SLC24A3: variants seen among roughly 807,000 people sequenced by gnomAD.
SLC24A3 encodes sodium/potassium/calcium exchanger 3.
SLC24A3 carries 28 observed loss-of-function variants against 75.8 expected under a neutral mutation model. The observed-to-expected ratio is 0.37, with a 90% CI of 0.27 to 0.51. SLC24A3 has a LOEUF of 0.51. Ranked by LOEUF, SLC24A3 falls within the 20% of genes least tolerant of loss-of-function variation. SLC24A3 has a pLI of 0.94. For missense variants in SLC24A3, 663 were observed against 847.8 expected (o/e 0.78, Z 2.71); for synonymous variants, 372 against 334.1 (o/e 1.11, Z -1.24).
intron 3 of SLC24A3, among the ~76,000 whole-genome samples, chr20:19,545,529 C>T (rs931726009): frequency 2.0e-5 from 3 of 152,188 alleles, no homozygotes; most frequent in African/African-American, 7.2e-5. Context: ...GTCAGCCACA[C>T]CCTCTGGCCC....
intron 6 of SLC24A3, among the ~76,000 whole-genome samples, chr20:19,648,987 G>A (rs886544643): frequency 6.6e-6 from 1 of 152,218 alleles, no homozygotes; most frequent in African/African-American, 2.4e-5. Flanking sequence ...TTATTGACCA[G>A]TGAGGTCAAG....
At position 19,536,859 on chromosome 20, in the gene SLC24A3, T is replaced by C. The variant is rs866802224; in HGVS notation, c.348+21295T>C. Among the ~76,000 whole-genome samples the C allele has an allele frequency of 7.1e-3, 1,082 of 152,256 alleles. 6 individuals carry two copies. The highest frequency in any genetic ancestry group is 0.027 in the Middle Eastern group (8 of 294). On this transcript the variant is annotated intron_variant, in intron 3 of 16. Transcript: ENST00000328041. ...TGAAACTGGATCCCTTCCTTACACC[T>C]TATACAAAAATTAATTCAAGATGGA...
At chr20:19,440,645 G>GTT (rs11469517) in intron 2 of SLC24A3, among the ~76,000 whole-genome samples, 24 of 131,368 alleles carry the variant, frequency 1.8e-4, no homozygotes, top group Admixed American at 3.0e-4. Flanking sequence ...AGGCCTCACT[G>GTT]TTTTTTTTTT....
chr20:19,290,928 G>T (rs766862468), intron 2 of SLC24A3, among the ~76,000 whole-genome samples: 1 of 152,206 alleles, frequency 6.6e-6, no homozygotes. Flanking sequence ...TGGAGACCAC[G>T]GGTTTTGTTT....
chr20:19,661,527 C>CTACG (rs907470940), intron 7 of SLC24A3, among the ~76,000 whole-genome samples: 7 of 152,244 alleles, frequency 4.6e-5, no homozygotes, highest in African/African-American at 1.7e-4. Flanking sequence ...TGGGAAAAGT[C>CTACG]TACGGGGGGC....
chr20:19,379,884 G>A (rs1338340689), intron 2 of SLC24A3, among the ~76,000 whole-genome samples: 1 of 152,122 alleles, frequency 6.6e-6, no homozygotes, highest in Non-Finnish European at 1.5e-5. Flanking sequence ...TTATAGAATT[G>A]CTAAAATAAA....
At chr20:19,637,406 G>A (rs1473019500) in intron 6 of SLC24A3, among the ~76,000 whole-genome samples, 1 of 152,236 alleles carries the variant, frequency 6.6e-6, no homozygotes, top group Non-Finnish European at 1.5e-5. Context: ...GACCAAAATA[G>A]AGACTTGAGA....
At chr20:19,596,866 G>C (rs2031458918) in intron 6 of SLC24A3, among the ~76,000 whole-genome samples, 3 of 152,188 alleles carry the variant, frequency 2.0e-5, no homozygotes, top group Admixed American at 6.5e-5. Flanking sequence ...CTACGGTGTG[G>C]ATTGACCCAT....
intron 2 of SLC24A3, among the ~76,000 whole-genome samples, chr20:19,334,231 C>T (rs956820783): frequency 6.6e-6 from 1 of 152,166 alleles, no homozygotes; most frequent in African/African-American, 2.4e-5. Flanking sequence ...CTTTCAGAGC[C>T]TGGGATGTAT....
intron 6 of SLC24A3, among the ~76,000 whole-genome samples, chr20:19,641,537 C>T (rs1281450353): frequency 6.6e-6 from 1 of 152,216 alleles, no homozygotes; most frequent in Non-Finnish European, 1.5e-5. Flanking sequence ...TTCTCGAAAT[C>T]TCATCCACAC....
At chr20:19,424,490 G>A (rs571122585) in intron 2 of SLC24A3, among the ~76,000 whole-genome samples, 5 of 152,112 alleles carry the variant, frequency 3.3e-5, no homozygotes, top group Admixed American at 1.3e-4. Flanking sequence ...AGGAGTTCAA[G>A]ACCAGCCTGG....
chr20:19,240,142 G>A (rs951836332), intron 1 of SLC24A3, among the ~76,000 whole-genome samples: 3 of 151,800 alleles, frequency 2.0e-5, no homozygotes, highest in Admixed American at 6.6e-5. Flanking sequence ...TCATTTTTTC[G>A]TTTTCCCACT....
In SLC24A3 at chr20:19,296,268, C is replaced by CTTTTTTT. The variant is rs35229035; in HGVS notation, c.271+15193_271+15199dup. 6.4e-4 allele frequency among the ~76,000 whole-genome samples: 46 copies of CTTTTTTT among 72,298 alleles called. 2 individuals are homozygous for CTTTTTTT. Among genetic ancestry groups the CTTTTTTT allele is most frequent in the Non-Finnish European group, 9.2e-4 (36 of 39,044 alleles). 47.4% of individuals were successfully genotyped at this position (72,298 alleles called of 152,430 possible). On this transcript the variant is annotated intron_variant, in intron 2 of 16. Coordinates refer to ENST00000328041, the MANE Select transcript of SLC24A3 (RefSeq NM_020689.4). ...TTTCTTTATTAGTCTAGCTAGTGGT[C>CTTTTTTT]TTTTTTTTTTTTTTTTTTCAAAAAA...
At chr20:19,680,509 G>A (rs2032601376) in intron 9 of SLC24A3, among the ~76,000 whole-genome samples, 1 of 152,114 alleles carries the variant, frequency 6.6e-6, no homozygotes, top group Admixed American at 6.5e-5. Context: ...CTGTAGTGTT[G>A]GCAGCCATCA....
chr20:19,516,743 A>C (rs116897784), intron 3 of SLC24A3, among the ~76,000 whole-genome samples: 1 of 152,320 alleles, frequency 6.6e-6, no homozygotes, highest in East Asian at 1.9e-4. Context: ...AGGGTGACTT[A>C]GCCTTGAAGT....
chr20:19,409,063 C>T (rs369951360), intron 2 of SLC24A3, among the ~76,000 whole-genome samples: 35 of 152,224 alleles, frequency 2.3e-4, no homozygotes, highest in African/African-American at 7.9e-4. Context: ...GGGAGAGTTC[C>T]GTGAAGAGCT....
intron 3 of SLC24A3, among the ~76,000 whole-genome samples, chr20:19,573,617 G>T (rs192867066): frequency 1.2e-4 from 18 of 152,334 alleles, no homozygotes; most frequent in African/African-American, 4.3e-4. Flanking sequence ...ATGGTGCATG[G>T]TGTCCTCAGG....
At chr20:19,338,325 C>A (rs1415541672) in intron 2 of SLC24A3, among the ~76,000 whole-genome samples, 6 of 152,112 alleles carry the variant, frequency 3.9e-5, no homozygotes, top group Admixed American at 3.3e-4. Flanking sequence ...GGTCAGCAAA[C>A]CTTGGGGCCT....
At chr20:19,595,102 A>G (rs937486939) in intron 6 of SLC24A3, among the ~76,000 whole-genome samples, 7 of 152,190 alleles carry the variant, frequency 4.6e-5, no homozygotes, top group Non-Finnish European at 7.4e-5. Flanking sequence ...TAGGTTCACA[A>G]GCTAGAGTAA....
Sources: allele counts gnomAD v4.1 joint callset (sites outside exome capture counted in the v4.1 genomes callset), GRCh38; gene constraint gnomAD v4.1.1; transcripts MANE v1.5; gene names NCBI Gene and HGNC (gene_info 2026-07-23, HGNC 2026-07-21).